The following KDM2A variants were observed in gnomAD, a reference collection of about 807,000 sequenced individuals.
KDM2A encodes the protein lysine demethylase 2A, also known as lysine-specific demethylase 2A.
A neutral mutation model predicts 137.3 loss-of-function variants in KDM2A; 3 were observed. That is an observed-to-expected ratio of 0.02 (90% confidence interval 0.01 to 0.06). The LOEUF is 0.06. Ranked by LOEUF, KDM2A falls within the 10% of genes least tolerant of loss-of-function variation. KDM2A has a pLI of 1.00. For missense variants in KDM2A, 738 were observed against 1,510.6 expected, an observed-to-expected ratio of 0.49 and a Z score of 8.48; for synonymous variants, 512 against 541.5, an observed-to-expected ratio of 0.95 and a Z score of 0.76.
At chr11:67,235,388 T>A (rs1484652289) in intron 12 of KDM2A, among the ~76,000 whole-genome samples, 1 of 144,870 alleles carries the variant, frequency 6.9e-6, no homozygotes, top group East Asian at 2.2e-4. Context: ...CACCACAACC[T>A]CCACCTCCCA....
In KDM2A at chr11:67,254,041, C is replaced by G. The variant is rs1352321332; in HGVS notation, c.3092-162C>G. ...ACTTGTCTGGTTTCCTAGAAACTGC[C>G]TACACCCAGTGCTCACACCCTGAAG... On this transcript the variant is annotated intron_variant, in intron 19 of 20. Coordinates refer to ENST00000529006, the MANE Select transcript of KDM2A (RefSeq NM_012308.3). The surrounding 1 kb of genome is among the most constrained non-coding windows in gnomAD (Gnocchi z 4.7). Among the ~76,000 whole-genome samples the G allele has an allele frequency of 3.9e-5, 6 of 152,256 alleles. No individual in the cohort carries two copies. The highest frequency in any genetic ancestry group is 8.8e-5 in the Non-Finnish European group (6 of 68,042).
intron 2 of KDM2A, among the ~76,000 whole-genome samples, chr11:67,179,799 C>A (rs964846085): frequency 1.3e-5 from 2 of 152,184 alleles, no homozygotes; most frequent in African/African-American, 4.8e-5. Context: ...ATTTAGTAGA[C>A]CCTCTTTGGT....
At chr11:67,139,802 CG>C (rs1856053173) in intron 2 of KDM2A, among the ~76,000 whole-genome samples, 1 of 152,016 alleles carries the variant, frequency 6.6e-6, no homozygotes, top group African/African-American at 2.4e-5. Context: ...CTTTGCCTCC[CG>C]GGTTCAAGTG....
chr11:67,170,985 C>T lies in KDM2A; in HGVS notation c.43-9094C>T, dbSNP rs373162346. On this transcript the variant is annotated intron_variant, in intron 2 of 20. Transcript: ENST00000529006. ...GCTTTGTAACCTGGGCAAGTTACTT[C>T]TTTCATTTTCCTTGCTTTGGTAAAG... Among the ~76,000 whole-genome samples, 130 of 152,182 alleles carry T rather than the reference C, an allele frequency of 8.5e-4. 4 individuals carry two copies. The South Asian group carries it at 0.026, about 30-fold the overall frequency.
chr11:67,202,993 C>G (rs368749649), intron 5 of KDM2A, among the ~76,000 whole-genome samples: 1 of 145,584 alleles, frequency 6.9e-6, no homozygotes, highest in Non-Finnish European at 1.5e-5. Context: ...AGACCCTGTC[C>G]GTCCGCCGCC....
intron 2 of KDM2A, among the ~76,000 whole-genome samples, chr11:67,136,487 G>A (rs933251767): frequency 1.3e-5 from 2 of 152,158 alleles, no homozygotes; most frequent in Admixed American, 6.6e-5. Context: ...TGCTTATGTT[G>A]TACTAAGCAT....
intron 18 of KDM2A, 34 bp from the exon 19 acceptor site, chr11:67,253,419 T>G (rs748264670): frequency 6.3e-6 from 10 of 1,593,440 alleles, no homozygotes; most frequent in Non-Finnish European, 8.6e-6. Context: ...TGGGAAACAG[T>G]GTATTATTAC....
At chr11:67,164,827 G>A (rs777146533) in intron 2 of KDM2A, among the ~76,000 whole-genome samples, 4 of 152,046 alleles carry the variant, frequency 2.6e-5, no homozygotes, top group Admixed American at 6.6e-5. Flanking sequence ...TTGAACTCCT[G>A]ATCTCAAGTG....
intron 17 of KDM2A, 114 bp from the exon 18 acceptor site, chr11:67,252,580 T>C: frequency 8.6e-7 from 1 of 1,168,170 alleles, no homozygotes; most frequent in Non-Finnish European, 1.3e-6. Context: ...CCTGTACACT[T>C]GTAGAAGAAC....
chr11:67,124,447 G>A (rs1855670509), intron 2 of KDM2A, among the ~76,000 whole-genome samples: 2 of 152,076 alleles, frequency 1.3e-5, no homozygotes, highest in Admixed American at 6.6e-5. Flanking sequence ...AAGTAGCTGC[G>A]ATTACAGGCG....
At chr11:67,148,095 T>C (rs1218036051) in intron 2 of KDM2A, among the ~76,000 whole-genome samples, 7 of 152,116 alleles carry the variant, frequency 4.6e-5, no homozygotes, top group Non-Finnish European at 1.0e-4. Context: ...GCTGATTTGT[T>C]ACAAGCATTT....
At chr11:67,205,645 A>AT (rs1325032678) in intron 5 of KDM2A, among the ~76,000 whole-genome samples, 13 of 151,438 alleles carry the variant, frequency 8.6e-5, no homozygotes, top group Middle Eastern at 3.4e-3. Flanking sequence ...TGTATGTTTA[A>AT]TTTTTTTTGT....
intron 2 of KDM2A, among the ~76,000 whole-genome samples, chr11:67,130,976 C>T (rs1051415105): frequency 2.6e-5 from 4 of 151,818 alleles, no homozygotes; most frequent in Non-Finnish European, 5.9e-5. Context: ...GGTACCCTGA[C>T]TCCAAACTCC....
chr11:67,219,274 TC>T lies in KDM2A; in HGVS notation c.842-10del. 6.9e-7 allele frequency: 1 copy of T among 1,457,316 alleles called. No homozygotes were observed. The highest frequency in any genetic ancestry group is 1.3e-5 in the South Asian group (1 of 79,224). The allele number at this position is 1,457,316 out of a possible 1,614,324, so 90.3% of individuals were successfully genotyped here. A position where few individuals can be genotyped will look rare whatever the true frequency, so the allele number is the denominator to read the frequency against. ...TGTGTTTTCAGCCACTGCCCTCTGTTCCCCTTCTCCTAGGCTGGATTCATGC... is the reference window on the plus strand; with the variant it reads ...TGTGTTTTCAGCCACTGCCCTCTGTTCCCTTCTCCTAGGCTGGATTCATGC... On this transcript the variant is annotated splice_polypyrimidine_tract_variant and intron_variant, in intron 9 of 20. Coordinates refer to ENST00000529006, the MANE Select transcript of KDM2A (RefSeq NM_012308.3).
At chr11:67,215,210 T>A (rs779699788) in intron 6 of KDM2A, 130 bp from the exon 7 acceptor site, 47 of 559,038 alleles carry the variant, frequency 8.4e-5, no homozygotes, top group Middle Eastern at 3.1e-4. Context: ...CAGATTTTTT[T>A]AATTTGCTTA....
chr11:67,249,996 C>G (rs1859359207), intron 16 of KDM2A, 90 bp from the exon 17 acceptor site: 3 of 1,052,296 alleles, frequency 2.9e-6, no homozygotes, highest in Non-Finnish European at 4.1e-6. Context: ...TCTCTCTGGT[C>G]CCCTGAGAGC....
At chr11:67,148,249 G>T (rs769451571) in intron 2 of KDM2A, among the ~76,000 whole-genome samples, 1 of 149,226 alleles carries the variant, frequency 6.7e-6, no homozygotes, top group Non-Finnish European at 1.5e-5. Flanking sequence ...TTGCAAGACC[G>T]CATCTCTATT....
intron 2 of KDM2A, among the ~76,000 whole-genome samples, chr11:67,165,704 A>C (rs1856725438): frequency 6.6e-6 from 1 of 152,136 alleles, no homozygotes; most frequent in African/African-American, 2.4e-5. Flanking sequence ...AATTCACTTA[A>C]AGACTTAGGA....
chr11:67,203,473 AT>A (rs1857706958), intron 5 of KDM2A, among the ~76,000 whole-genome samples: 2 of 147,568 alleles, frequency 1.4e-5, no homozygotes, highest in African/African-American at 2.5e-5. Flanking sequence ...ATTATTAATA[AT>A]TATTAATATA....
Sources: allele counts gnomAD v4.1 joint callset (sites outside exome capture counted in the v4.1 genomes callset), GRCh38; gene constraint gnomAD v4.1.1; non-coding constraint Gnocchi (gnomAD v3.1); transcripts MANE v1.5; gene names NCBI Gene and HGNC (gene_info 2026-07-23, HGNC 2026-07-21).